The following WDR72 variants were observed in gnomAD, a reference collection of about 807,000 sequenced individuals.
WDR72 encodes WD repeat-containing protein 72.
In WDR72, 120 loss-of-function variants were observed where a neutral mutation model predicts 124.2. That is an observed-to-expected ratio of 0.97 (90% CI 0.83 to 1.12). WDR72 has a LOEUF of 1.12. WDR72 is among the 50% of genes most tolerant of loss of function. The pLI, the probability that WDR72 is intolerant of heterozygous loss-of-function variation, is 0.00. For synonymous variants in WDR72, 452 were observed against 441.7 expected, an observed-to-expected ratio of 1.02 and a Z score of -0.29; for missense variants, 1,387 against 1,278.8, an observed-to-expected ratio of 1.08 and a Z score of -1.29.
intron 18 of WDR72, among the ~76,000 whole-genome samples, chr15:53,584,344 T>G (rs2012090100): frequency 1.3e-5 from 2 of 151,922 alleles, no homozygotes; most frequent in Admixed American, 1.3e-4. Context: ...GATTTGAAAT[T>G]TGATGATCCT....
intron 14 of WDR72, among the ~76,000 whole-genome samples, chr15:53,657,040 A>AG (rs1555419960): frequency 6.6e-6 from 1 of 151,972 alleles, no homozygotes; most frequent in Non-Finnish European, 1.5e-5. Context: ...CAAGGCGGGC[A>AG]GATCACAAGG....
At chr15:53,561,467 A>G (rs891835355) in intron 18 of WDR72, among the ~76,000 whole-genome samples, 1 of 151,842 alleles carries the variant, frequency 6.6e-6, no homozygotes, top group Non-Finnish European at 1.5e-5. Flanking sequence ...ACATAAAATA[A>G]GTGCATACTT....
chr15:53,729,330 C>T (rs972464128), intron 2 of WDR72, among the ~76,000 whole-genome samples: 2 of 152,176 alleles, frequency 1.3e-5, no homozygotes, highest in Admixed American at 6.5e-5. Context: ...TCAGCTCCCC[C>T]TTTCTCCAAT....
At chr15:53,722,329 C>T (rs1477801017) in intron 3 of WDR72, among the ~76,000 whole-genome samples, 1 of 152,134 alleles carries the variant, frequency 6.6e-6, no homozygotes, top group African/African-American at 2.4e-5. Context: ...GCCACCGTGC[C>T]CGGCCTGTTA....
chr15:53,601,659 G>C (rs551403074), intron 17 of WDR72, among the ~76,000 whole-genome samples: 1 of 152,026 alleles, frequency 6.6e-6, no homozygotes, highest in South Asian at 2.1e-4. Flanking sequence ...TACCAAGCAA[G>C]TGGAAAAAAG....
At chr15:53,655,230 C>CAAAAAAAAAAAAAAAAAAAAAAAA (rs531072099) in intron 14 of WDR72, among the ~76,000 whole-genome samples, 1 of 54,582 alleles carries the variant, frequency 1.8e-5, no homozygotes, top group Non-Finnish European at 3.2e-5. Flanking sequence ...GATGCCATCT[C>CAAAAAAAAAAAAAAAAAAAAAAAA]AAAAAAAAAA....
rs1343435014 is a variant in WDR72, at chr15:53,682,262, A to AGCTTTGAAGAGAGCAGT, written c.1766-16495_1766-16494insACTGCTCTCTTCAAAGC. Among the ~76,000 whole-genome samples, 95 of 152,352 alleles carry AGCTTTGAAGAGAGCAGT rather than the reference A, an allele frequency of 6.2e-4. 1 individual carries two copies. Among genetic ancestry groups the AGCTTTGAAGAGAGCAGT allele is most frequent in the Middle Eastern group, 3.4e-3 (1 of 294 alleles). ...CAATTACATAATTTCACCAAAGTGG[A>AGCTTTGAAGAGAGCAGT]GATCCATGTTCACCACATGGAACTA... On this transcript the variant is annotated intron_variant, in intron 13 of 19. Transcript: ENST00000360509.
intron 18 of WDR72, among the ~76,000 whole-genome samples, chr15:53,565,978 G>T (rs1244141867): frequency 6.6e-6 from 1 of 151,956 alleles, no homozygotes; most frequent in Non-Finnish European, 1.5e-5. Flanking sequence ...GGAACGCTCT[G>T]ATTAGGGTTA....
chr15:53,760,751 G>T (rs566817268), upstream of WDR72, among the ~76,000 whole-genome samples: 2 of 152,128 alleles, frequency 1.3e-5, no homozygotes, highest in Non-Finnish European at 2.9e-5. Flanking sequence ...TTTTGAGAAA[G>T]CTCCAAATTA....
At chr15:53,522,921 A>C (rs2140210327) in intron 19 of WDR72, among the ~76,000 whole-genome samples, 1 of 152,136 alleles carries the variant, frequency 6.6e-6, no homozygotes, top group East Asian at 1.9e-4. Flanking sequence ...ATTTCTCTAT[A>C]GTTTCCAATC....
intron 14 of WDR72, among the ~76,000 whole-genome samples, chr15:53,643,218 C>T (rs970340673): frequency 6.6e-6 from 1 of 152,074 alleles, no homozygotes; most frequent in African/African-American, 2.4e-5. Context: ...AAAACTGATA[C>T]AGATATTGAC....
At chr15:53,548,437 T>C (rs1893582982) in intron 18 of WDR72, among the ~76,000 whole-genome samples, 1 of 152,170 alleles carries the variant, frequency 6.6e-6, no homozygotes, top group South Asian at 2.1e-4. Context: ...ATCCGGATCA[T>C]GTACAGAATT....
intron 13 of WDR72, among the ~76,000 whole-genome samples, chr15:53,689,268 G>T (rs1367659227): frequency 6.6e-6 from 1 of 150,884 alleles, no homozygotes; most frequent in East Asian, 2.0e-4. Context: ...TACCATCAGA[G>T]TGAGCAGGCA....
chr15:53,591,370 A>G (rs1056073902), intron 18 of WDR72, among the ~76,000 whole-genome samples: 3 of 152,086 alleles, frequency 2.0e-5, no homozygotes, highest in African/African-American at 4.8e-5. Context: ...AGATGTATTT[A>G]AAGTTTTGGA....
intron 18 of WDR72, among the ~76,000 whole-genome samples, chr15:53,571,876 C>A (rs540182729): frequency 4.6e-5 from 7 of 151,894 alleles, no homozygotes; most frequent in African/African-American, 1.4e-4. Flanking sequence ...ACATCCTTAC[C>A]AACACTTATC....
At chr15:53,734,962 G>A (rs1193102552) in intron 1 of WDR72, among the ~76,000 whole-genome samples, 1 of 152,012 alleles carries the variant, frequency 6.6e-6, no homozygotes, top group Non-Finnish European at 1.5e-5. Flanking sequence ...AAACACTACA[G>A]ACCTATTTGA....
intron 19 of WDR72, among the ~76,000 whole-genome samples, chr15:53,518,248 A>G (rs1453501740): frequency 1.3e-5 from 2 of 152,082 alleles, no homozygotes; most frequent in Non-Finnish European, 2.9e-5. Flanking sequence ...TTGCCTTTGT[A>G]GGCTAAAAAA....
chr15:53,553,183 G>A lies in WDR72; in HGVS notation c.3149-29861C>T, dbSNP rs1009636551. The stretch of plus-strand genomic sequence containing the variant: ...TAATTTTATTATCTGGCAAGATAGC[G>A]GCTTCATCATTAAAAAATTCAACCA... On this transcript the variant is annotated intron_variant, in intron 18 of 19. Coordinates refer to ENST00000360509, the MANE Select transcript of WDR72 (RefSeq NM_182758.4). Among the ~76,000 whole-genome samples, 2 of 152,086 alleles carry A rather than the reference G, an allele frequency of 1.3e-5. 1 individual carries two copies. Among genetic ancestry groups the A allele is most frequent in the South Asian group, 4.1e-4 (2 of 4,824 alleles).
At chr15:53,657,907 C>T (rs767296306) in intron 14 of WDR72, among the ~76,000 whole-genome samples, 9 of 152,110 alleles carry the variant, frequency 5.9e-5, no homozygotes, top group Non-Finnish European at 1.2e-4. Flanking sequence ...TTTTCAGTTG[C>T]TATCTCAGCC....
Sources: allele counts gnomAD v4.1 joint callset (sites outside exome capture counted in the v4.1 genomes callset), GRCh38; gene constraint gnomAD v4.1.1; transcripts MANE v1.5; gene names NCBI Gene and HGNC (gene_info 2026-07-23, HGNC 2026-07-21).